The following CPVL variants were observed in gnomAD, a reference collection of about 807,000 sequenced individuals.
CPVL encodes the protein carboxypeptidase vitellogenic like, also known as probable serine carboxypeptidase CPVL.
In CPVL, 51 loss-of-function variants were observed where a neutral mutation model predicts 63.7. The observed-to-expected ratio is 0.80, with a 90% confidence interval of 0.64 to 1.01. CPVL has a LOEUF of 1.01. Among genes scored for constraint, CPVL ranks in the 50% least tolerant of loss-of-function variants. The pLI is 0.00. For synonymous variants in CPVL, 195 were observed against 206.0 expected (o/e 0.95, Z 0.46); for missense variants, 530 against 573.1 (o/e 0.92, Z 0.77).
intron 1 of CPVL, among the ~76,000 whole-genome samples, chr7:29,187,364 T>TGTGA (rs1554356185): frequency 6.6e-6 from 1 of 151,826 alleles, no homozygotes; most frequent in Non-Finnish European, 1.5e-5. Context: ...TGTGTGTGTG[T>TGTGA]GACAAAGAGA....
At chr7:29,054,873 T>C (rs895356075) in intron 11 of CPVL, among the ~76,000 whole-genome samples, 3 of 152,222 alleles carry the variant, frequency 2.0e-5, no homozygotes, top group Admixed American at 1.3e-4. Flanking sequence ...TCTTCAGCAC[T>C]GTCTAATCTA....
intron 12 of CPVL, among the ~76,000 whole-genome samples, chr7:29,006,512 T>G (rs939132537): frequency 6.6e-6 from 1 of 152,158 alleles, no homozygotes; most frequent in African/African-American, 2.4e-5. Flanking sequence ...CTAGTATAAG[T>G]GACAATGATA....
chr7:29,045,574 G>C (rs1173860003), intron 11 of CPVL, among the ~76,000 whole-genome samples: 2 of 128,122 alleles, frequency 1.6e-5, no homozygotes, highest in Admixed American at 1.4e-4. Flanking sequence ...CAAAGGGCTA[G>C]GGGGAAATCA....
intron 11 of CPVL, among the ~76,000 whole-genome samples, chr7:29,054,619 T>C (rs1790522615): frequency 1.3e-5 from 2 of 152,226 alleles, no homozygotes; most frequent in South Asian, 4.1e-4. Context: ...CTGCTTATTG[T>C]ATATGTGCTT....
intron 12 of CPVL, among the ~76,000 whole-genome samples, chr7:29,019,612 G>C (rs1216482115): frequency 6.6e-6 from 1 of 152,240 alleles, no homozygotes; most frequent in Admixed American, 6.5e-5. Context: ...GAATGAGGTT[G>C]CTTTTTTGGC....
chr7:29,110,418 G>C (rs12113604), intron 3 of CPVL, among the ~76,000 whole-genome samples: 2 of 152,286 alleles, frequency 1.3e-5, no homozygotes, highest in East Asian at 1.9e-4. Flanking sequence ...GGTAAAAGGC[G>C]TGTTGGTCAC....
intron 12 of CPVL, among the ~76,000 whole-genome samples, chr7:29,019,468 G>A (rs1050645357): frequency 6.6e-6 from 1 of 152,156 alleles, no homozygotes; most frequent in Non-Finnish European, 1.5e-5. Flanking sequence ...AGGGAAAATT[G>A]CTCCCTCTCT....
intron 1 of CPVL, among the ~76,000 whole-genome samples, chr7:29,138,358 T>C (rs1791463111): frequency 6.6e-6 from 1 of 152,174 alleles, no homozygotes; most frequent in South Asian, 2.1e-4. Flanking sequence ...GAGGATCACT[T>C]GAACACCGGA....
intron 7 of CPVL, among the ~76,000 whole-genome samples, chr7:29,083,787 C>CT (rs890790815): frequency 2.0e-5 from 3 of 152,156 alleles, no homozygotes; most frequent in Non-Finnish European, 2.9e-5. Context: ...AGAGCCTTAA[C>CT]TAACACACCC....
At chr7:29,069,763 C>A in intron 9 of CPVL, among the ~76,000 whole-genome samples, 1 of 148,090 alleles carries the variant, frequency 6.8e-6, no homozygotes, top group Non-Finnish European at 1.5e-5. Context: ...TCTCCACTCA[C>A]CAGTAAATGT....
intron 5 of CPVL, 59 bp downstream of exon 5, chr7:29,095,025 A>C: frequency 1.6e-6 from 2 of 1,286,168 alleles, no homozygotes; most frequent in South Asian, 1.3e-5. Flanking sequence ...AATAAAAAGG[A>C]AAAAATAAAA....
intron 12 of CPVL, among the ~76,000 whole-genome samples, chr7:28,996,543 A>G (rs1451100833): frequency 6.7e-6 from 1 of 149,126 alleles, no homozygotes; most frequent in African/African-American, 2.5e-5. Flanking sequence ...AAAAAAAACC[A>G]AAAAACAAAA....
intron 5 of CPVL, among the ~76,000 whole-genome samples, chr7:29,179,966 A>G (rs1797856398): frequency 6.6e-6 from 1 of 152,164 alleles, no homozygotes; most frequent in African/African-American, 2.4e-5. Context: ...ATCTTTTGCT[A>G]TTTGTCTTGT....
chr7:29,184,619 G>A (rs546439325), intron 3 of CPVL: 2 of 152,306 alleles, frequency 1.3e-5, no homozygotes, highest in African/African-American at 4.8e-5. Context: ...TCTCAAGGGA[G>A]GGTCAGCCTT....
intron 9 of CPVL, among the ~76,000 whole-genome samples, chr7:29,069,737 CT>C (rs199640254): frequency 0.012 from 1,781 of 151,280 alleles, 11 homozygotes; most frequent in Non-Finnish European, 0.019. Context: ...TTGCTATCCC[CT>C]GGGGCTCGGC....
chr7:29,115,087 A>G (rs1403408), intron 2 of CPVL, among the ~76,000 whole-genome samples: 48,102 of 152,028 alleles, frequency 0.32, 7,809 homozygotes, highest in Middle Eastern at 0.39. Context: ...CATCTCTCTG[A>G]GCCTCTTTCC....
At chr7:29,089,595 C>T (rs1192414717) in intron 6 of CPVL, among the ~76,000 whole-genome samples, 6 of 152,158 alleles carry the variant, frequency 3.9e-5, no homozygotes, top group Non-Finnish European at 7.3e-5. Flanking sequence ...TGTCAGTTTA[C>T]CATTGTGATG....
chr7:29,181,328 T>C (rs1055792976), exon 5 of CPVL: 2 of 152,226 alleles, frequency 1.3e-5, no homozygotes, highest in Admixed American at 6.5e-5. Context: ...GCAACATTTA[T>C]ATAGAATATA....
intron 7 of CPVL, among the ~76,000 whole-genome samples, chr7:29,084,789 T>C (rs538857532): frequency 4.6e-5 from 7 of 152,362 alleles, no homozygotes; most frequent in South Asian, 4.1e-4. Context: ...ACTTTGATTA[T>C]AGGTGTGTAG....
Sources: gnomAD v4.1 joint callset for allele counts (sites outside exome capture counted in the v4.1 genomes callset) on GRCh38, gnomAD v4.1.1 for gene constraint, MANE v1.5 for transcripts, NCBI Gene and HGNC (gene_info 2026-07-23, HGNC 2026-07-21) for gene names.